CDH1: variants seen among roughly 807,000 people sequenced by gnomAD.
The protein encoded by CDH1 is cadherin-1.
Under a neutral mutation model 84.5 loss-of-function variants are expected in CDH1, and 35 were observed. That is an observed-to-expected ratio of 0.41 (90% confidence interval 0.32 to 0.55). The LOEUF is 0.55. Among genes scored for constraint, CDH1 ranks in the 20% least tolerant of loss-of-function variants. CDH1 has a pLI of 0.19. For synonymous variants in CDH1, 417 were observed against 439.0 expected, an observed-to-expected ratio of 0.95 and a Z score of 0.63; for missense variants, 994 against 1,126.6, an observed-to-expected ratio of 0.88 and a Z score of 1.68.
At chr16:68,787,025 G>A (rs927052507) in intron 2 of CDH1, among the ~76,000 whole-genome samples, 2 of 152,196 alleles carry the variant, frequency 1.3e-5, no homozygotes, top group Non-Finnish European at 2.9e-5. Flanking sequence ...ATGATTCAAA[G>A]GTTCTGAATT....
intron 14 of CDH1, among the ~76,000 whole-genome samples, chr16:68,828,814 C>T (rs1961400068): frequency 6.6e-6 from 1 of 152,146 alleles, no homozygotes; most frequent in Non-Finnish European, 1.5e-5. Context: ...GGGAACTGTT[C>T]AGTGTCTTGG....
At chr16:68,737,849 A>G (rs1338067465) in intron 1 of CDH1, among the ~76,000 whole-genome samples, 1 of 151,994 alleles carries the variant, frequency 6.6e-6, no homozygotes, top group Admixed American at 6.6e-5. Context: ...CGAGGGAAGG[A>G]GAGGGGCATC....
chr16:68,764,060 T>C (rs199584284), intron 2 of CDH1, among the ~76,000 whole-genome samples: 477 of 152,118 alleles, frequency 3.1e-3, no homozygotes, highest in Middle Eastern at 6.8e-3. Flanking sequence ...AGTCAAGAGA[T>C]TTGAGATTTG....
chr16:68,800,923 T>C (rs1239448622), intron 2 of CDH1, among the ~76,000 whole-genome samples: 5 of 152,222 alleles, frequency 3.3e-5, no homozygotes, highest in Non-Finnish European at 7.3e-5. Flanking sequence ...TAGTGTAAAC[T>C]CAATGAGAGC....
At chr16:68,791,941 G>GA (rs1459161345) in intron 2 of CDH1, among the ~76,000 whole-genome samples, 2 of 151,978 alleles carry the variant, frequency 1.3e-5, no homozygotes, top group East Asian at 3.9e-4. Context: ...ATTTTTTTGA[G>GA]ATGGAGTCTC....
At chr16:68,781,897 C>G (rs1959890669) in intron 2 of CDH1, among the ~76,000 whole-genome samples, 1 of 152,100 alleles carries the variant, frequency 6.6e-6, no homozygotes, top group African/African-American at 2.4e-5. Context: ...TCCTTGATGC[C>G]CTTCACTAGC....
chr16:68,809,723 G>C (rs1262740851), intron 5 of CDH1, among the ~76,000 whole-genome samples: 3 of 151,648 alleles, frequency 2.0e-5, no homozygotes, highest in Non-Finnish European at 2.9e-5. Flanking sequence ...ACAAGATCTT[G>C]CTATGTTGCC....
Position 68,777,727 on chromosome 16 carries a change from T to G in CDH1, c.164-23943T>G, listed in dbSNP as rs368220605. Among the ~76,000 whole-genome samples the G allele has an allele frequency of 2.0e-4, 31 of 151,942 alleles. 1 individual carries two copies. Among genetic ancestry groups the G allele is most frequent in the African/African-American group, 7.5e-4 (31 of 41,446 alleles). On this transcript the variant is annotated intron_variant, in intron 2 of 15. Transcript: ENST00000261769. ...CTGGCTAATTTTTGTATTTTTAAAT[T>G]TTTTATTTTTATCATTATTTTTGAG...
At chr16:68,791,213 T>TCC (rs996678525) in intron 2 of CDH1, among the ~76,000 whole-genome samples, 4 of 152,106 alleles carry the variant, frequency 2.6e-5, no homozygotes, top group Admixed American at 6.5e-5. Context: ...TTGGAACTGT[T>TCC]CCCCCGCACT....
intron 2 of CDH1, among the ~76,000 whole-genome samples, chr16:68,764,966 T>C (rs904854383): frequency 2.6e-5 from 4 of 152,186 alleles, no homozygotes; most frequent in Non-Finnish European, 2.9e-5. Flanking sequence ...GCATCACTTT[T>C]ATGACTCTGC....
At chr16:68,782,362 C>T (rs193071595) in intron 2 of CDH1, among the ~76,000 whole-genome samples, 3 of 152,346 alleles carry the variant, frequency 2.0e-5, no homozygotes, top group Admixed American at 1.3e-4. Context: ...GTTTCGAGTT[C>T]TGCAAAAGCC....
intron 2 of CDH1, among the ~76,000 whole-genome samples, chr16:68,739,269 T>A (rs532712882): frequency 1.3e-5 from 2 of 152,000 alleles, no homozygotes; most frequent in African/African-American, 4.8e-5. Context: ...ATATAAAAAT[T>A]AGCCGGGCAT....
At chr16:68,786,627 T>C (rs547198893) in intron 2 of CDH1, among the ~76,000 whole-genome samples, 3 of 144,082 alleles carry the variant, frequency 2.1e-5, no homozygotes, top group African/African-American at 7.7e-5. Flanking sequence ...ACATATAGTC[T>C]GAGCAGTTAC....
At chr16:68,774,764 G>A (rs1381548357) in intron 2 of CDH1, among the ~76,000 whole-genome samples, 1 of 152,190 alleles carries the variant, frequency 6.6e-6, no homozygotes, top group Non-Finnish European at 1.5e-5. Context: ...GAGGCTCAGA[G>A]CAAAGGCTAC....
intron 2 of CDH1, among the ~76,000 whole-genome samples, chr16:68,766,051 A>C (rs1220857197): frequency 6.6e-6 from 1 of 152,034 alleles, no homozygotes; most frequent in Non-Finnish European, 1.5e-5. Flanking sequence ...TGAGGTCAGG[A>C]GTTTGAGACC....
chr16:68,806,157 T>C (rs984136962), intron 3 of CDH1, among the ~76,000 whole-genome samples: 1 of 140,516 alleles, frequency 7.1e-6, no homozygotes, highest in African/African-American at 2.5e-5. Flanking sequence ...TATTTATTTA[T>C]TTATTTATTT....
chr16:68,811,387 A>G (rs1275448165), intron 6 of CDH1, among the ~76,000 whole-genome samples: 5 of 134,754 alleles, frequency 3.7e-5, no homozygotes, highest in African/African-American at 1.5e-4. Context: ...CAGGAGCAAA[A>G]CTCCGTCTCA....
chr16:68,769,152 G>A (rs542883258), intron 2 of CDH1, among the ~76,000 whole-genome samples: 5 of 152,238 alleles, frequency 3.3e-5, no homozygotes, highest in South Asian at 2.1e-4. Context: ...GTTCATTGCT[G>A]TACTTCTAGG....
chr16:68,744,131 G>A (rs751922183), intron 2 of CDH1, among the ~76,000 whole-genome samples: 1 of 152,142 alleles, frequency 6.6e-6, no homozygotes, highest in African/African-American at 2.4e-5. Context: ...TGAATAAATC[G>A]CTATCTTGGC....
Sources: allele counts gnomAD v4.1 joint callset (sites outside exome capture counted in the v4.1 genomes callset), GRCh38; gene constraint gnomAD v4.1.1; transcripts MANE v1.5; gene names NCBI Gene and HGNC (gene_info 2026-07-23, HGNC 2026-07-21).